Variants in COL1A1 observed in about 807,000 individuals in gnomAD.
COL1A1 encodes the protein collagen type I alpha 1 chain.
In COL1A1, 21 loss-of-function variants were observed where a neutral mutation model predicts 195.7. The ratio of observed to expected loss-of-function variants is 0.11; its 90% CI spans 0.08 to 0.15. The LOEUF (loss-of-function observed/expected upper bound fraction) is 0.15, where lower values mean the gene tolerates loss of function less well. COL1A1 is among the 10% of genes least tolerant of loss of function. The pLI, the probability that COL1A1 is intolerant of heterozygous loss-of-function variation, is 1.00. For synonymous variants in COL1A1, 749 were observed against 747.3 expected (o/e 1.00, Z -0.04); for missense variants, 1,365 against 2,051.0 (o/e 0.67, Z 6.46).
In COL1A1 at chr17:50,190,153, G is replaced by A; in HGVS notation, c.2452-45C>T. ...GGTGAATGGAGGGAAGGAGGCAGGA[G>A]TTTCCACTACCTGGGGGAGGAGCAG... is the stretch of plus-strand genomic sequence containing the variant. On this transcript the variant is annotated intron_variant, in intron 35 of 50. Transcript: ENST00000225964. The surrounding 1 kb of genome is among the most constrained non-coding windows in gnomAD (Gnocchi z 4.7). The A allele has an allele frequency of 1.3e-6, 2 of 1,514,168 alleles. No individual in the cohort carries two copies. The highest frequency in any genetic ancestry group is 1.7e-4 in the Middle Eastern group (1 of 5,884). The allele number at this position is 1,514,168 out of a possible 1,614,324, so 93.8% of individuals were successfully genotyped here. A position where few individuals can be genotyped will look rare whatever the true frequency, so the allele number is the denominator to read the frequency against.
rs1555571443 is a variant in COL1A1 at position 50,185,257 on chromosome 17, C to CTCT, written c.*244_*245insAGA. The CTCT allele has an allele frequency of 1.1e-5, 2 of 185,554 alleles. No homozygotes were observed. Among genetic ancestry groups the CTCT allele is most frequent in the African/African-American group, 3.3e-5 (1 of 29,866 alleles). The allele number at this position is 185,554 out of a possible 1,614,324, so 11.5% of individuals were successfully genotyped here. On this transcript the variant is annotated 3_prime_UTR_variant, in exon 51 of 51. Coordinates refer to ENST00000225964, the MANE Select transcript of COL1A1 (RefSeq NM_000088.4). The stretch of plus-strand genomic sequence containing the variant: ...TTTTTTAAAAAGTTATTTATTTATT[C>CTCT]TTTTTTTTTTTTTTTTTTTGGTAAG...
rs1906834674 is a variant in COL1A1, at chr17:50,189,114, C to G, written c.2937+54G>C. On this transcript the variant is annotated intron_variant, in intron 40 of 50. Transcript: ENST00000225964. The surrounding 1 kb of genome is among the most constrained non-coding windows in gnomAD (Gnocchi z 5.5). Reference sequence around the variant, plus strand: ...CTGTTCTCCTTGGCTCCGCCCCACTCCAAGTCCTGTGATGGTTTTTCTCAG... The same window carrying G: ...CTGTTCTCCTTGGCTCCGCCCCACTGCAAGTCCTGTGATGGTTTTTCTCAG... 3 of 1,600,094 alleles carry G rather than the reference C, an allele frequency of 1.9e-6. No individual in the cohort carries two copies. The African/African-American group carries it at 4.0e-5, about 21-fold the overall frequency.
chr17:50,197,694 A>G (rs772170340), intron 9 of COL1A1, 38 bp downstream of exon 9: 1 of 1,516,154 alleles, frequency 6.6e-7, no homozygotes, highest in Non-Finnish European at 8.9e-7. Context: ...CATGGAGGCC[A>G]TGGGGTCAGA....
chr17:50,199,963 GA>G lies in COL1A1; in HGVS notation c.104-17del, dbSNP rs1484402330. On this transcript the variant is annotated splice_polypyrimidine_tract_variant and intron_variant, in intron 1 of 50. Coordinates refer to ENST00000225964, the MANE Select transcript of COL1A1 (RefSeq NM_000088.4). The stretch of plus-strand genomic sequence containing the variant: ...ATTGGTGGGACTGGGACAGGCGGAA[GA>G]GGGGCGTTGTCAGTAGTGACTGCAA... 1 of 1,613,756 alleles carries G rather than the reference GA, an allele frequency of 6.2e-7. No homozygotes were observed. Among genetic ancestry groups the G allele is most frequent in the East Asian group, 2.2e-5 (1 of 44,894 alleles).
chr17:50,194,218 G>A lies in COL1A1; in HGVS notation c.1615-35C>T. The A allele has an allele frequency of 6.2e-7, 1 of 1,610,078 alleles. No individual in the cohort carries two copies. ...CAGAGAGGTATGAGTGGGACTTGGG[G>A]AGAAGCATGATGGAGGTGGGGGAGG... On this transcript the variant is annotated intron_variant, in intron 23 of 50. Transcript: ENST00000225964. This position sits in a 1 kb window ranked among gnomAD's most constrained non-coding sequence, Gnocchi z 6.8.
chr17:50,191,890 G>T lies in COL1A1; in HGVS notation c.2029-4C>A, dbSNP rs375939803. On this transcript the variant is annotated splice_polypyrimidine_tract_variant and splice_region_variant and intron_variant, in intron 30 of 50. Transcript: ENST00000225964. ...CGCCAGGGAAACCTCTCTCGCCCTAGAAGGGAAGGACAGGGCATGTGAAGG... is the reference window on the plus strand; with the variant it reads ...CGCCAGGGAAACCTCTCTCGCCCTATAAGGGAAGGACAGGGCATGTGAAGG... The T allele has an allele frequency of 6.2e-6, 10 of 1,603,372 alleles. No homozygotes were observed. In the African/African-American group the frequency reaches 1.3e-4, roughly 21 times the overall value.
Position 50,185,580 on chromosome 17 carries a change from G to T in COL1A1, c.4317C>A (p.Ile1439=). ...YKTTKTSRLP[I]IDVAPLDVGA... Reference sequence around the variant, plus strand: ...CAACGTCCAAGGGGGCCACATCGATGATGGGCAGGCGGGAGGTCTTGGTGG... The same window carrying T: ...CAACGTCCAAGGGGGCCACATCGATTATGGGCAGGCGGGAGGTCTTGGTGG... The change falls in exon 51 of 51, where the codon ATC becomes ATA. Residue 1439 remains isoleucine (I), a synonymous_variant. Transcript: ENST00000225964. 1 of 1,613,978 alleles carries T rather than the reference G, an allele frequency of 6.2e-7. No individual in the cohort carries two copies. Among genetic ancestry groups the T allele is most frequent in the Non-Finnish European group, 8.5e-7 (1 of 1,179,996 alleles).
Position 50,190,160 on chromosome 17 carries a change from C to T in COL1A1, c.2452-52G>A, listed in dbSNP as rs1315489541. On this transcript the variant is annotated intron_variant, in intron 35 of 50. Coordinates refer to ENST00000225964, the MANE Select transcript of COL1A1 (RefSeq NM_000088.4). This position sits in a 1 kb window ranked among gnomAD's most constrained non-coding sequence, Gnocchi z 4.7. ...GGAGGGAAGGAGGCAGGAGTTTCCA[C>T]TACCTGGGGGAGGAGCAGTAATGGA... 1.4e-6 allele frequency: 2 copies of T among 1,479,312 alleles called. No individual in the cohort carries two copies. Among genetic ancestry groups the T allele is most frequent in the Non-Finnish European group, 9.5e-7 (1 of 1,057,586 alleles). 91.6% of individuals were successfully genotyped at this position (1,479,312 alleles called of 1,614,324 possible).
chr17:50,198,174 G>T lies in COL1A1; in HGVS notation c.575C>A (p.Pro192His). The T allele has an allele frequency of 3.7e-6, 6 of 1,614,110 alleles. No individual in the cohort carries two copies. The highest frequency in any genetic ancestry group is 5.1e-6 in the Non-Finnish European group (6 of 1,179,998). The change falls in exon 7 of 51, where the codon CCC (proline) becomes CAC (histidine). Residue 192 changes from proline (P) to histidine (H), a missense_variant. By Grantham distance (77) the Pro-to-His change is moderately conservative (BLOSUM62 -2). Coordinates refer to ENST00000225964, the MANE Select transcript of COL1A1 (RefSeq NM_000088.4). ...GPSGPRGLPG[P>H]PGAPGPQGFQ... ...CTGGATACTCACAGGTGCACCAGGG[G>T]GGCCAGGGAGACCACGAGGACCAGA... is the stretch of plus-strand genomic sequence containing the variant.
chr17:50,189,754 A>G lies in COL1A1; in HGVS notation c.2614-22T>C, dbSNP rs73987444. The G allele has an allele frequency of 3.6e-3, 5,759 of 1,613,904 alleles. 169 individuals are homozygous for G. In the African/African-American group the frequency reaches 0.064, roughly 18 times the overall value. On this transcript the variant is annotated intron_variant, in intron 37 of 50. Coordinates refer to ENST00000225964, the MANE Select transcript of COL1A1 (RefSeq NM_000088.4). The surrounding 1 kb of genome is among the most constrained non-coding windows in gnomAD (Gnocchi z 5.5). ...CACCCTGGAAGGAGAGAACATAGGA[A>G]CAGTCAGAGGGAGAACAGCCAACTC...
At position 50,195,364 on chromosome 17, in the gene COL1A1, G is replaced by C. The variant is rs757658695; in HGVS notation, c.1201-34C>G. On this transcript the variant is annotated intron_variant, in intron 18 of 50. Transcript: ENST00000225964. The surrounding 1 kb of genome is among the most constrained non-coding windows in gnomAD (Gnocchi z 4.3). ...GGCAGACAGCCAGGGCGTGAGCCTA[G>C]GAGCAGAGGGAAAGGGGCAGGCAGG... 1.2e-5 allele frequency: 20 copies of C among 1,613,680 alleles called. No homozygotes were observed. Among genetic ancestry groups the C allele is most frequent in the Non-Finnish European group, 1.5e-5 (18 of 1,179,758 alleles).
At chr17:50,191,335 G>C (rs775541942) in intron 32 of COL1A1, 48 bp downstream of exon 32, 1 of 1,495,572 alleles carries the variant, frequency 6.7e-7, no homozygotes, top group African/African-American at 1.4e-5. Flanking sequence ...AAAGCAGGCA[G>C]AGATGGGAGC....
chr17:50,190,278 TC>T lies in COL1A1; in HGVS notation c.2451+48del. 7.1e-7 allele frequency: 1 copy of T among 1,405,600 alleles called. No homozygotes were observed. Among genetic ancestry groups the T allele is most frequent in the Non-Finnish European group, 1.0e-6 (1 of 993,424 alleles). 87.1% of individuals were successfully genotyped at this position (1,405,600 alleles called of 1,614,324 possible). The stretch of plus-strand genomic sequence containing the variant: ...TTTGTCCTCATTCCGTCCCTCGAGG[TC>T]CCAGGTCCCAGTCGGTGATGAAAAA... On this transcript the variant is annotated intron_variant, in intron 35 of 50. Coordinates refer to ENST00000225964, the MANE Select transcript of COL1A1 (RefSeq NM_000088.4). This position sits in a 1 kb window ranked among gnomAD's most constrained non-coding sequence, Gnocchi z 4.7.
rs745816283 is a variant in COL1A1 at position 50,185,850 on chromosome 17, G to A, written c.4176C>T (p.Gly1392=). ...CGGCGCGGATCTCGATCTCGTTGGAGCCCTGGAGGAGCAGGGCCTTCTTGA... is the reference window on the plus strand; with the variant it reads ...CGGCGCGGATCTCGATCTCGTTGGAACCCTGGAGGAGCAGGGCCTTCTTGA... ...GNLKKALLLQ[G]SNEIEIRAEG... Residue 1392 remains glycine (G), a synonymous_variant, in exon 50 of 51, where the codon GGC becomes GGT. Coordinates refer to ENST00000225964, the MANE Select transcript of COL1A1 (RefSeq NM_000088.4). The A allele has an allele frequency of 6.2e-6, 10 of 1,614,038 alleles. No individual in the cohort carries two copies. Among genetic ancestry groups the A allele is most frequent in the African/African-American group, 1.3e-5 (1 of 74,928 alleles).
In COL1A1 at chr17:50,192,682, G is replaced by A. The variant is rs375695940; in HGVS notation, c.1887C>T (p.Gly629=). The change falls in exon 28 of 51, where the codon GGC becomes GGT. Residue 629 remains glycine (G), a synonymous_variant. Coordinates refer to ENST00000225964, the MANE Select transcript of COL1A1 (RefSeq NM_000088.4). The stretch of plus-strand genomic sequence containing the variant: ...CAGCAGGGCCTTGTTCACCTCTCTC[G>A]CCAGCGGGACCCTGCACAGAGAGAA... ...QGPPGPAGPA[G]ERGEQGPAGS... is the part of the protein sequence containing the mutation. 7.6e-5 allele frequency: 123 copies of A among 1,614,056 alleles called. No homozygotes were observed. The highest frequency in any genetic ancestry group is 4.3e-4 in the African/African-American group (32 of 74,906).
chr17:50,185,121 A>G lies in COL1A1; in HGVS notation c.*381T>C, dbSNP rs1428576413. On this transcript the variant is annotated 3_prime_UTR_variant, in exon 51 of 51. Transcript: ENST00000225964. ...GGGAAGGAGTGGAGGGGAGGCCCCA[A>G]GGGGGGTGTGGAGAAAGGAGCAGAA... The G allele has an allele frequency of 3.4e-6, 1 of 295,760 alleles. No homozygotes were observed. Among genetic ancestry groups the G allele is most frequent in the Non-Finnish European group, 6.4e-6 (1 of 156,868 alleles). 18.3% of individuals were successfully genotyped at this position (295,760 alleles called of 1,614,324 possible).
In COL1A1 at chr17:50,191,588, G is replaced by A. The variant is rs1416919343; in HGVS notation, c.2128-98C>T. On this transcript the variant is annotated intron_variant, in intron 31 of 50. Coordinates refer to ENST00000225964, the MANE Select transcript of COL1A1 (RefSeq NM_000088.4). ...GGTATCTCCCAGGCTTGTTTCCAAGGCCAACGACAAGCCTTGAGAAAAGAT... is the reference window on the plus strand; with the variant it reads ...GGTATCTCCCAGGCTTGTTTCCAAGACCAACGACAAGCCTTGAGAAAAGAT... 7.1e-6 allele frequency: 9 copies of A among 1,269,220 alleles called. No individual in the cohort carries two copies. In the Admixed American group the frequency reaches 1.1e-4, roughly 15 times the overall value. 78.6% of individuals were successfully genotyped at this position (1,269,220 alleles called of 1,614,324 possible). A position where few individuals can be genotyped will look rare whatever the true frequency, so the allele number is the denominator to read the frequency against.
At position 50,188,825 on chromosome 17, in the gene COL1A1, T is replaced by G; in HGVS notation, c.3046-30A>C. On this transcript the variant is annotated intron_variant, in intron 41 of 50. Transcript: ENST00000225964. The surrounding 1 kb of genome is among the most constrained non-coding windows in gnomAD (Gnocchi z 5.6). ...AGAGAGAGAGAGAGAGAAGTGAGAG[T>G]CAGCCGGGGAAGAGGGCTTAGGCAA... is the stretch of plus-strand genomic sequence containing the variant. 6.3e-7 allele frequency: 1 copy of G among 1,593,724 alleles called. No homozygotes were observed. Among genetic ancestry groups the G allele is most frequent in the Non-Finnish European group, 8.6e-7 (1 of 1,162,804 alleles).
intron 31 of COL1A1, 92 bp from the exon 32 acceptor site, chr17:50,191,582 T>G (rs1907081969): frequency 7.6e-7 from 1 of 1,316,510 alleles, no homozygotes; most frequent in African/African-American, 1.5e-5. Flanking sequence ...CAGGCTTGTT[T>G]CCAAGGCCAA....
Sources: allele counts gnomAD v4.1 joint callset, GRCh38; gene constraint gnomAD v4.1.1; non-coding constraint Gnocchi (gnomAD v3.1); transcripts MANE v1.5; gene names NCBI Gene and HGNC (gene_info 2026-07-23, HGNC 2026-07-21).